The following SLC39A11 variants were observed in gnomAD, a reference collection of about 807,000 sequenced individuals.
SLC39A11 encodes the protein zinc transporter ZIP11.
In SLC39A11, 33 loss-of-function variants were observed where a neutral mutation model predicts 36.1. The observed-to-expected ratio is 0.91, with a 90% CI of 0.69 to 1.22. The LOEUF is 1.22. SLC39A11 is among the 50% of genes most tolerant of loss of function. The pLI, the probability that SLC39A11 is intolerant of heterozygous loss-of-function variation, is 0.00. For synonymous variants in SLC39A11, 166 were observed against 170.3 expected (o/e 0.97, Z 0.20); for missense variants, 432 against 430.3 (o/e 1.00, Z -0.03).
At chr17:72,649,800 C>G (rs2069768293) in intron 7 of SLC39A11, among the ~76,000 whole-genome samples, 1 of 152,048 alleles carries the variant, frequency 6.6e-6, no homozygotes, top group African/African-American at 2.4e-5. Context: ...ACCATGTTGG[C>G]CAGGCTGGTC....
chr17:73,076,802 C>CTT (rs76799031), intron 3 of SLC39A11, among the ~76,000 whole-genome samples: 98 of 139,446 alleles, frequency 7.0e-4, no homozygotes, highest in East Asian at 4.4e-3. Flanking sequence ...TTCTTTTTTT[C>CTT]TTTTTTTTTT....
chr17:72,984,008 G>A (rs1459727538), intron 4 of SLC39A11, among the ~76,000 whole-genome samples: 1 of 152,172 alleles, frequency 6.6e-6, no homozygotes, highest in African/African-American at 2.4e-5. Context: ...CTCCAGAGAA[G>A]TGCCAGCAGA....
chr17:72,707,746 A>C (rs1351990991), intron 7 of SLC39A11, among the ~76,000 whole-genome samples: 4 of 152,192 alleles, frequency 2.6e-5, no homozygotes, highest in African/African-American at 4.8e-5. Context: ...TTTCCACCAA[A>C]GAGAAAACGG....
intron 5 of SLC39A11, among the ~76,000 whole-genome samples, chr17:72,888,507 T>G (rs2081549920): frequency 6.6e-6 from 1 of 152,150 alleles, no homozygotes; most frequent in African/African-American, 2.4e-5. Context: ...CTGACCTAAA[T>G]AGAGACGCTT....
At chr17:72,768,216 A>G (rs1380094296) in intron 6 of SLC39A11, among the ~76,000 whole-genome samples, 4 of 152,248 alleles carry the variant, frequency 2.6e-5, no homozygotes, top group African/African-American at 7.2e-5. Context: ...TATACACTTT[A>G]GCAGAATTCA....
At chr17:72,897,063 AAAAAAAAAC>A (rs1364898283) in intron 5 of SLC39A11, among the ~76,000 whole-genome samples, 2 of 150,522 alleles carry the variant, frequency 1.3e-5, no homozygotes, top group Admixed American at 6.6e-5. Flanking sequence ...AAAAAAAAAA[AAAAAAAAAC>A]AAACAGAAAA....
intron 5 of SLC39A11, among the ~76,000 whole-genome samples, chr17:72,871,325 G>A: frequency 6.6e-6 from 1 of 152,060 alleles, no homozygotes; most frequent in Admixed American, 6.5e-5. Flanking sequence ...GCCTCCCAAA[G>A]TGCTAGGATT....
chr17:72,885,264 A>G lies in SLC39A11; in HGVS notation c.431-35460T>C, dbSNP rs559398597. Among the ~76,000 whole-genome samples the G allele has an allele frequency of 2.0e-5, 3 of 152,294 alleles. 1 individual carries two copies. Among genetic ancestry groups the G allele is most frequent in the African/African-American group, 7.2e-5 (3 of 41,558 alleles). On this transcript the variant is annotated intron_variant, in intron 5 of 9. Transcript: ENST00000255559. ...GCTTCCTATGAAGCTTGGAACGTCA[A>G]CGCTTTCTGCATACTCAACTCCAGT...
chr17:72,988,746 T>C (rs1407942506), intron 4 of SLC39A11, among the ~76,000 whole-genome samples: 1 of 152,186 alleles, frequency 6.6e-6, no homozygotes, highest in Non-Finnish European at 1.5e-5. Flanking sequence ...TCTCACTCTG[T>C]TGCCCAGTCT....
chr17:72,993,953 T>C (rs1335550604), intron 4 of SLC39A11, among the ~76,000 whole-genome samples: 2 of 152,188 alleles, frequency 1.3e-5, no homozygotes, highest in Non-Finnish European at 2.9e-5. Flanking sequence ...GGGAGGTAAT[T>C]GAATCATGGG....
chr17:72,660,778 G>C (rs1411478406), intron 7 of SLC39A11, among the ~76,000 whole-genome samples: 2 of 152,158 alleles, frequency 1.3e-5, no homozygotes, highest in Non-Finnish European at 2.9e-5. Flanking sequence ...GTTCCTTGTT[G>C]TGGGGGCCTG....
intron 5 of SLC39A11, among the ~76,000 whole-genome samples, chr17:72,852,358 C>G (rs550069493): frequency 6.6e-6 from 1 of 152,160 alleles, no homozygotes; most frequent in East Asian, 1.9e-4. Context: ...CTCTTACTAA[C>G]AGCTGAATCT....
chr17:72,979,461 T>A (rs1357178048), intron 4 of SLC39A11, among the ~76,000 whole-genome samples: 1 of 152,076 alleles, frequency 6.6e-6, no homozygotes, highest in Non-Finnish European at 1.5e-5. Context: ...ATACTGTCTG[T>A]CTTCACCTGT....
At chr17:72,962,332 C>T (rs947396191) in intron 4 of SLC39A11, among the ~76,000 whole-genome samples, 2 of 152,210 alleles carry the variant, frequency 1.3e-5, no homozygotes, top group African/African-American at 4.8e-5. Context: ...AGGTCCTCTG[C>T]TCAGAGTCCC....
intron 5 of SLC39A11, among the ~76,000 whole-genome samples, chr17:72,865,580 T>A (rs891344906): frequency 6.7e-6 from 1 of 149,084 alleles, no homozygotes; most frequent in Non-Finnish European, 1.5e-5. Flanking sequence ...AAACCTACTC[T>A]AAAAAAAAAT....
At chr17:72,660,523 C>T (rs749971713) in intron 7 of SLC39A11, among the ~76,000 whole-genome samples, 6 of 152,178 alleles carry the variant, frequency 3.9e-5, no homozygotes, top group African/African-American at 7.2e-5. Flanking sequence ...CTAACTGCTA[C>T]TGTGTACACA....
In SLC39A11 at chr17:72,752,943, C is replaced by T. The variant is rs1245260070; in HGVS notation, c.602-16224G>A. Among the ~76,000 whole-genome samples the T allele has an allele frequency of 7.9e-5, 12 of 152,200 alleles. No individual in the cohort carries two copies. The East Asian group carries it at 1.9e-3, about 25-fold the overall frequency. On this transcript the variant is annotated intron_variant, in intron 6 of 9. Transcript: ENST00000255559. ...CCATCATGGCTCACTGCAGCCTTGA[C>T]CTCCTGGGCCCAACCAATCTTCCCA... is the stretch of plus-strand genomic sequence containing the variant.
At chr17:72,900,688 T>C (rs1390896713) in intron 5 of SLC39A11, among the ~76,000 whole-genome samples, 1 of 151,944 alleles carries the variant, frequency 6.6e-6, no homozygotes, top group Non-Finnish European at 1.5e-5. Flanking sequence ...GCAGAGGAAA[T>C]AGTGGTAAGT....
intron 5 of SLC39A11, among the ~76,000 whole-genome samples, chr17:72,893,757 T>C (rs1467658132): frequency 6.6e-6 from 1 of 152,146 alleles, no homozygotes; most frequent in Non-Finnish European, 1.5e-5. Context: ...ATAATGTCAC[T>C]ATTCTAATAG....
Sources: allele counts gnomAD v4.1 joint callset (sites outside exome capture counted in the v4.1 genomes callset), GRCh38; gene constraint gnomAD v4.1.1; transcripts MANE v1.5; gene names NCBI Gene and HGNC (gene_info 2026-07-23, HGNC 2026-07-21).